Variants in GRM4 observed in about 807,000 individuals in gnomAD.
GRM4 encodes the protein glutamate metabotropic receptor 4, also known as metabotropic glutamate receptor 4.
GRM4 carries 28 observed loss-of-function variants against 81.7 expected under a neutral mutation model. The ratio of observed to expected loss-of-function variants is 0.34; its 90% CI spans 0.25 to 0.47. The LOEUF (loss-of-function observed/expected upper bound fraction) is 0.47. Ranked by LOEUF, GRM4 falls within the 20% of genes least tolerant of loss-of-function variation. The probability of loss-of-function intolerance (pLI) is 1.00; values close to 1 mark genes in which losing one functional copy is unlikely to be tolerated. For missense variants in GRM4, 948 were observed against 1,290.0 expected (o/e 0.73, Z 4.06); for synonymous variants, 488 against 528.8 (o/e 0.92, Z 1.06).
Position 34,145,725 on chromosome 6 carries a change from T to A in GRM4, c.-364+275A>T, listed in dbSNP as rs1247218914. ...CGCTTGCCCCGGCGCCCACAGCCGC[T>A]GCTGCACCCGAGGAGGCACGAGACC... On this transcript the variant is annotated intron_variant, in intron 1 of 10. Coordinates refer to ENST00000538487, the MANE Select transcript of GRM4 (RefSeq NM_000841.4). Among the ~76,000 whole-genome samples the A allele has an allele frequency of 3.3e-5, 5 of 152,186 alleles. No homozygotes were observed. In the East Asian group the frequency reaches 9.6e-4, roughly 29 times the overall value.
rs1769395331 is a variant in GRM4 at position 34,111,843 on chromosome 6, T to C, written c.520-19744A>G. On this transcript the variant is annotated intron_variant, in intron 2 of 10. Transcript: ENST00000538487. This position sits in a 1 kb window ranked among gnomAD's most constrained non-coding sequence, Gnocchi z 5.1. ...TTGCCCCTCTCCTCAGTCACCAGCC[T>C]GCCCAGGAATTGGCACTGCTTGGGG... 6.6e-6 allele frequency among the ~76,000 whole-genome samples: 1 copy of C among 152,122 alleles called. No individual in the cohort carries two copies. The highest frequency in any genetic ancestry group is 2.1e-4 in the South Asian group (1 of 4,814).
Position 34,061,893 on chromosome 6 carries a change from C to G in GRM4, c.872G>C (p.Arg291Thr). The stretch of plus-strand genomic sequence containing the variant: ...CCACCCTGCTGCCACCTGCCCTCAC[C>G]TGATGTCATCCTCGTTGGCAAAGAT... ...VIIFANEDDI[R>T]RVLEAARRAN... Residue 291 changes from arginine (R) to threonine (T), a missense_variant and splice_region_variant, in exon 4 of 11, where the codon AGG becomes ACG. By Grantham distance (71) the Arg-to-Thr change is moderately conservative. Coordinates refer to ENST00000538487, the MANE Select transcript of GRM4 (RefSeq NM_000841.4). 6.2e-7 allele frequency: 1 copy of G among 1,611,164 alleles called. No individual in the cohort carries two copies. The highest frequency in any genetic ancestry group is 8.5e-7 in the Non-Finnish European group (1 of 1,178,022).
In GRM4 at chr6:34,020,544, C is replaced by CAAA. The variant is rs1763834877; in HGVS notation, c.*2276_*2277insTTT. 1.3e-4 allele frequency: 19 copies of CAAA among 148,640 alleles called. No individual in the cohort carries two copies. Among genetic ancestry groups the CAAA allele is most frequent in the Admixed American group, 1.3e-3 (19 of 15,070 alleles). 9.2% of individuals were successfully genotyped at this position (148,640 alleles called of 1,614,324 possible). A position where few individuals can be genotyped will look rare whatever the true frequency, so the allele number is the denominator to read the frequency against. On this transcript the variant is annotated 3_prime_UTR_variant, in exon 11 of 11. Transcript: ENST00000538487. ...TCCCTACCCCCCACCCCCCCACCCC[C>CAAA]AACTGCCCTGGAAGCTTTTGGGAGA...
At chr6:34,051,787 T>G (rs1765624991) in intron 6 of GRM4, among the ~76,000 whole-genome samples, 1 of 152,064 alleles carries the variant, frequency 6.6e-6, no homozygotes, top group Non-Finnish European at 1.5e-5. Flanking sequence ...ATCACTTCCT[T>G]GGAAGCCATG....
intron 3 of GRM4, among the ~76,000 whole-genome samples, chr6:34,081,563 TC>T (rs1767594295): frequency 6.6e-6 from 1 of 152,150 alleles, no homozygotes; most frequent in South Asian, 2.1e-4. Context: ...AGGCACACAG[TC>T]CCTTTTTGGT....
At position 34,035,496 on chromosome 6, in the gene GRM4, G is replaced by GAGAAGGCAGAATGAGGCAAGAA. The variant is rs1764640696; in HGVS notation, c.2442+171_2442+172insTTCTTGCCTCATTCTGCCTTCT. On this transcript the variant is annotated intron_variant, in intron 9 of 10. Coordinates refer to ENST00000538487, the MANE Select transcript of GRM4 (RefSeq NM_000841.4). The surrounding 1 kb of genome is among the most constrained non-coding windows in gnomAD (Gnocchi z 6.6). Reference sequence around the variant, plus strand: ...CCAGAGAGAAAACTTGCAGCTGGGAGAGAAGGCAGAATGAGGCATGAAAGA... The same window carrying GAGAAGGCAGAATGAGGCAAGAA: ...CCAGAGAGAAAACTTGCAGCTGGGAGAGAAGGCAGAATGAGGCAAGAAAGAAGGCAGAATGAGGCATGAAAGA... Among the ~76,000 whole-genome samples the GAGAAGGCAGAATGAGGCAAGAA allele has an allele frequency of 1.5e-5, 2 of 137,692 alleles. No individual in the cohort carries two copies. Among genetic ancestry groups the GAGAAGGCAGAATGAGGCAAGAA allele is most frequent in the African/African-American group, 6.1e-5 (2 of 32,718 alleles). The allele number at this position is 137,692 out of a possible 152,430, so 90.3% of individuals were successfully genotyped here.
intron 2 of GRM4, among the ~76,000 whole-genome samples, chr6:34,096,046 G>A (rs1382156797): frequency 6.6e-6 from 1 of 152,160 alleles, no homozygotes; most frequent in Non-Finnish European, 1.5e-5. Context: ...AGGAGGGGAG[G>A]GAGGGAATGG....
At chr6:34,049,517 C>A (rs1177132420) in intron 6 of GRM4, among the ~76,000 whole-genome samples, 1 of 152,052 alleles carries the variant, frequency 6.6e-6, no homozygotes, top group African/African-American at 2.4e-5. Context: ...TCTGCCACCT[C>A]CCTAGTCACA....
In GRM4 at chr6:34,036,271, G is replaced by A. The variant is rs137929521; in HGVS notation, c.1839C>T (p.Asn613=). ...CCGAGGCCTTGACGATGGGCGTGTC[G>A]TTGTAGCGCACAAAGGTGATCACCA... The part of the protein sequence containing the change: ...LFVVITFVRY[N]DTPIVKASGR... Residue 613 remains asparagine (N), a synonymous_variant, in exon 9 of 11, where the codon AAC becomes AAT. Transcript: ENST00000538487. This position sits in a 1 kb window ranked among gnomAD's most constrained non-coding sequence, Gnocchi z 9.0. 148 of 1,614,046 alleles carry A rather than the reference G, an allele frequency of 9.2e-5. No homozygotes were observed. Among genetic ancestry groups the A allele is most frequent in the Non-Finnish European group, 1.1e-4 (131 of 1,180,014 alleles).
At chr6:34,039,124 C>A (rs1235298341) in intron 8 of GRM4, among the ~76,000 whole-genome samples, 6 of 152,176 alleles carry the variant, frequency 3.9e-5, no homozygotes, top group Non-Finnish European at 8.8e-5. Flanking sequence ...CTCCACACAG[C>A]AATCCAAGGA....
At chr6:34,151,532 C>T (rs1342714257) in intron 1 of GRM4, among the ~76,000 whole-genome samples, 2 of 152,180 alleles carry the variant, frequency 1.3e-5, no homozygotes, top group South Asian at 4.1e-4. Context: ...ACCTCGTGGC[C>T]GCCTGCTCCT....
At chr6:34,065,117 G>A (rs982775747) in intron 3 of GRM4, among the ~76,000 whole-genome samples, 2 of 152,104 alleles carry the variant, frequency 1.3e-5, no homozygotes, top group Non-Finnish European at 2.9e-5. Context: ...GTGGGTTCAT[G>A]TACATGTGTG....
chr6:34,131,501 C>A (rs1770232569), intron 2 of GRM4, among the ~76,000 whole-genome samples: 1 of 152,168 alleles, frequency 6.6e-6, no homozygotes, highest in African/African-American at 2.4e-5. Flanking sequence ...CACAGGTGGG[C>A]GCACACGTGC....
In GRM4 at chr6:34,115,139, G is replaced by T. The variant is rs1011013767; in HGVS notation, c.519+17839C>A. ...AAGAGGTTCACCAGGGTTGAGAGGT[G>T]GTCAGGGCCCTGCCTAAACGCCAAC... On this transcript the variant is annotated intron_variant, in intron 2 of 10. Transcript: ENST00000538487. The surrounding 1 kb of genome is among the most constrained non-coding windows in gnomAD (Gnocchi z 4.1). Among the ~76,000 whole-genome samples the T allele has an allele frequency of 3.3e-5, 5 of 152,184 alleles. No homozygotes were observed. The highest frequency in any genetic ancestry group is 5.9e-5 in the Non-Finnish European group (4 of 68,038).
intron 9 of GRM4, among the ~76,000 whole-genome samples, chr6:34,031,671 GAGAA>G (rs201954960): frequency 0.011 from 1,684 of 152,292 alleles, 15 homozygotes; most frequent in East Asian, 0.024. Flanking sequence ...CCACGTAGTG[GAGAA>G]AGCCCGCTCA....
chr6:34,126,820 C>T (rs1770041970), intron 2 of GRM4, among the ~76,000 whole-genome samples: 1 of 152,218 alleles, frequency 6.6e-6, no homozygotes, highest in Admixed American at 6.5e-5. Flanking sequence ...CGTCTGCCTG[C>T]ATCAGCTGGG....
At chr6:34,103,770 G>C in intron 2 of GRM4, 1 of 1,457,754 alleles carries the variant, frequency 6.9e-7, no homozygotes, top group Non-Finnish European at 9.0e-7. Context: ...GTGTGACCTT[G>C]GGCAAGTCAC....
Position 34,052,467 on chromosome 6 carries a change from C to T in GRM4, c.1168+4077G>A, listed in dbSNP as rs188259681. Among the ~76,000 whole-genome samples the T allele has an allele frequency of 1.0e-3, 153 of 152,322 alleles. 1 individual carries two copies. The highest frequency in any genetic ancestry group is 3.4e-3 in the African/African-American group (141 of 41,560). ...TAAGGGTCCTTCCCACCCTCTTGGACGGTCACCAGGCCCATCCATCACCTG... is the reference window on the plus strand; with the variant it reads ...TAAGGGTCCTTCCCACCCTCTTGGATGGTCACCAGGCCCATCCATCACCTG... On this transcript the variant is annotated intron_variant, in intron 6 of 10. Coordinates refer to ENST00000538487, the MANE Select transcript of GRM4 (RefSeq NM_000841.4).
At chr6:34,061,597 G>A in intron 4 of GRM4, 1 of 319,220 alleles carries the variant, frequency 3.1e-6, no homozygotes, top group Non-Finnish European at 5.8e-6. Context: ...TAGAACCTAA[G>A]TGGTCCGGCC....
Sources: gnomAD v4.1 joint callset for allele counts (sites outside exome capture counted in the v4.1 genomes callset) on GRCh38, gnomAD v4.1.1 for gene constraint, Gnocchi (gnomAD v3.1) non-coding constraint, MANE v1.5 for transcripts, NCBI Gene and HGNC (gene_info 2026-07-23, HGNC 2026-07-21) for gene names.